The following KAT14 variants were observed in gnomAD, a reference collection of about 807,000 sequenced individuals.
KAT14 encodes the protein cysteine-rich protein 2-binding protein.
In KAT14, 66 loss-of-function variants were observed where a neutral mutation model predicts 78.4. The ratio of observed to expected loss-of-function variants is 0.84; its 90% CI spans 0.69 to 1.03. KAT14 has a LOEUF of 1.03. Among genes scored for constraint, KAT14 ranks in the 50% least tolerant of loss-of-function variants. The probability of loss-of-function intolerance (pLI) is 0.00; values close to 1 mark genes in which losing one functional copy is unlikely to be tolerated. For synonymous variants in KAT14, 344 were observed against 359.4 expected, an observed-to-expected ratio of 0.96 and a Z score of 0.48; for missense variants, 870 against 972.5, an observed-to-expected ratio of 0.89 and a Z score of 1.40.
intron 9 of KAT14, among the ~76,000 whole-genome samples, chr20:18,184,272 G>A (rs1344702507): frequency 6.6e-6 from 1 of 152,144 alleles, no homozygotes; most frequent in Non-Finnish European, 1.5e-5. Flanking sequence ...CAGAAACGGA[G>A]TCTCTGAGAC....
intron 4 of KAT14, among the ~76,000 whole-genome samples, chr20:18,152,784 G>A (rs183496193): frequency 4.6e-5 from 7 of 152,300 alleles, no homozygotes; most frequent in South Asian, 2.1e-4. Context: ...GCTTAGCAAA[G>A]TCTGGGCACA....
chr20:18,144,979 G>A, intron 2 of KAT14: 2 of 847,704 alleles, frequency 2.4e-6, no homozygotes, highest in Non-Finnish European at 3.1e-6. Context: ...GGGAAATCCA[G>A]CAACAATACC....
intron 5 of KAT14, among the ~76,000 whole-genome samples, chr20:18,160,628 A>T (rs1430357239): frequency 6.6e-6 from 1 of 152,076 alleles, no homozygotes; most frequent in Non-Finnish European, 1.5e-5. Context: ...TTAAAAAGTA[A>T]TAGAGATAGG....
Position 18,145,438 on chromosome 20 carries a change from T to C in KAT14, c.378+87T>C, listed in dbSNP as rs1172747433. ...AATATCTAGAAACTTAGGGATGAGC[T>C]TTTGAGTTGTTTGGAGGGGCACTTT... On this transcript the variant is annotated intron_variant, in intron 3 of 10. Coordinates refer to ENST00000688188, the MANE Select transcript of KAT14 (RefSeq NM_001392073.1). 9 of 1,557,762 alleles carry C rather than the reference T, an allele frequency of 5.8e-6. No homozygotes were observed. In the Admixed American group the frequency reaches 1.8e-4, roughly 31 times the overall value.
rs1174227915 is a variant in KAT14, at chr20:18,187,785, T to G, written c.*326T>G. 2 of 327,558 alleles carry G rather than the reference T, an allele frequency of 6.1e-6. No individual in the cohort carries two copies. Among genetic ancestry groups the G allele is most frequent in the South Asian group, 3.3e-5 (1 of 30,118 alleles). The allele number at this position is 327,558 out of a possible 1,614,324, so 20.3% of individuals were successfully genotyped here. On this transcript the variant is annotated 3_prime_UTR_variant, in exon 11 of 11. Transcript: ENST00000688188. ...CTAACCTGATGCTCTTGGAGAGAGA[T>G]AACCTGTCTGTCATAACTTAAAGGA...
intron 7 of KAT14, among the ~76,000 whole-genome samples, chr20:18,168,961 C>T (rs908456533): frequency 5.9e-5 from 9 of 151,534 alleles, no homozygotes; most frequent in African/African-American, 1.2e-4. Flanking sequence ...TGTAGTTTTC[C>T]GCAGTTCTCG....
intron 4 of KAT14, among the ~76,000 whole-genome samples, chr20:18,158,472 AC>A (rs1412090047): frequency 6.6e-6 from 1 of 151,860 alleles, no homozygotes; most frequent in Non-Finnish European, 1.5e-5. Context: ...CCGTTAGGGA[AC>A]CCGGATAGTT....
At chr20:18,145,174 C>A in intron 2 of KAT14, 59 bp from the exon 3 acceptor site, 1 of 1,581,446 alleles carries the variant, frequency 6.3e-7, no homozygotes, top group Non-Finnish European at 8.6e-7. Context: ...ACGGATTAAA[C>A]CTTTAGGTTA....
intron 4 of KAT14, among the ~76,000 whole-genome samples, chr20:18,158,617 C>T (rs760224001): frequency 2.6e-5 from 4 of 152,142 alleles, no homozygotes; most frequent in Admixed American, 6.6e-5. Context: ...TGCTACTCCT[C>T]GGGTAAAATG....
chr20:18,154,435 C>T (rs564173199), intron 4 of KAT14, among the ~76,000 whole-genome samples: 3 of 152,278 alleles, frequency 2.0e-5, no homozygotes, highest in Middle Eastern at 3.4e-3. Context: ...GTCTCAGCCT[C>T]CGGAGTAGCT....
chr20:18,183,278 G>A lies in KAT14; in HGVS notation c.1961G>A (p.Cys654Tyr). Residue 654 changes from cysteine to tyrosine, a missense_variant, in exon 9 of 11, where the codon TGT becomes TAT. Cys to Tyr is a radical substitution (Grantham distance 194). Coordinates refer to ENST00000688188, the MANE Select transcript of KAT14 (RefSeq NM_001392073.1). ...PNHIPTINSMCQEFFWPGIDL... is the reference protein window; with the variant it reads ...PNHIPTINSMYQEFFWPGIDL... ...CACATCCCAACGATCAACTCCATGT[G>A]TCAGGAGTTTTTTTGGCCTGGTATG... The A allele has an allele frequency of 1.2e-6, 2 of 1,613,868 alleles. No individual in the cohort carries two copies. Among genetic ancestry groups the A allele is most frequent in the Non-Finnish European group, 1.7e-6 (2 of 1,179,882 alleles).
intron 7 of KAT14, among the ~76,000 whole-genome samples, chr20:18,171,392 G>A (rs146895245): frequency 1.8e-3 from 272 of 152,336 alleles, no homozygotes; most frequent in African/African-American, 6.1e-3. Flanking sequence ...TGCTAAAGAT[G>A]CTATGAACAT....
chr20:18,143,174 G>C, intron 2 of KAT14: 2 of 1,213,910 alleles, frequency 1.6e-6, no homozygotes, highest in Non-Finnish European at 2.1e-6. Context: ...TGGAAATCCT[G>C]TGTTACTTAA....
At position 18,142,713 on chromosome 20, in the gene KAT14, C is replaced by A; in HGVS notation, c.53C>A (p.Ala18Asp). The A allele has an allele frequency of 6.2e-7, 1 of 1,614,154 alleles. No homozygotes were observed. Among genetic ancestry groups the A allele is most frequent in the Non-Finnish European group, 8.5e-7 (1 of 1,180,034 alleles). The change falls in exon 2 of 11, where the codon GCC becomes GAC. Residue 18 changes from alanine to aspartate, a missense_variant. Ala to Asp is a moderately radical substitution (Grantham distance 126, BLOSUM62 -2). Coordinates refer to ENST00000688188, the MANE Select transcript of KAT14 (RefSeq NM_001392073.1). The part of the protein sequence containing the change: ...SSLISRHDDE[A>D]TRTSTSEGLE... ...CTGATCAGTCGGCATGATGACGAAG[C>A]CACGAGAACATCGACCTCAGAAGGA... is the stretch of plus-strand genomic sequence containing the variant.
intron 1 of KAT14, among the ~76,000 whole-genome samples, chr20:18,140,850 A>AC (rs2037519887): frequency 6.7e-6 from 1 of 149,176 alleles, no homozygotes. Flanking sequence ...ATAAAACAAA[A>AC]CAAAAAAAAC....
chr20:18,150,940 T>C lies in KAT14; in HGVS notation c.498T>C (p.Asn166=). Residue 166 remains asparagine, a splice_region_variant and synonymous_variant, in exon 4 of 11, where the codon AAT becomes AAC. Transcript: ENST00000688188. Reference sequence around the variant, plus strand: ...AACATTGGACTTTTTTACTAGGGAATAGGTAATGTGTTTTTAAAAAATCTT... The same window carrying C: ...AACATTGGACTTTTTTACTAGGGAACAGGTAATGTGTTTTTAAAAAATCTT... The part of the protein sequence containing the change: ...IEKHWTFLLG[N]RKKTSTWWST... 1 of 1,613,938 alleles carries C rather than the reference T, an allele frequency of 6.2e-7. No homozygotes were observed. Among genetic ancestry groups the C allele is most frequent in the Non-Finnish European group, 8.5e-7 (1 of 1,179,848 alleles).
At chr20:18,184,557 C>A in intron 9 of KAT14, 45 bp from the exon 10 acceptor site, 21 of 1,452,060 alleles carry the variant, frequency 1.4e-5, no homozygotes, top group Admixed American at 2.4e-5. Flanking sequence ...TTCCTTAATT[C>A]TCAAAGGCAT....
intron 4 of KAT14, among the ~76,000 whole-genome samples, chr20:18,152,680 G>T (rs2038091764): frequency 6.6e-6 from 1 of 152,224 alleles, no homozygotes; most frequent in Non-Finnish European, 1.5e-5. Context: ...ATCTATTTAG[G>T]TTGCCCTTAG....
intron 8 of KAT14, 39 bp from the exon 9 acceptor site, chr20:18,183,084 T>C (rs1461250482): frequency 6.4e-7 from 1 of 1,571,980 alleles, no homozygotes; most frequent in Middle Eastern, 1.7e-4. Context: ...CCAGGTATTT[T>C]TCTTGACTTG....
Sources: gnomAD v4.1 joint callset for allele counts (sites outside exome capture counted in the v4.1 genomes callset) on GRCh38, gnomAD v4.1.1 for gene constraint, MANE v1.5 for transcripts, NCBI Gene and HGNC (gene_info 2026-07-23, HGNC 2026-07-21) for gene names.